Variants in NRAP observed in about 807,000 individuals in gnomAD.
NRAP encodes nebulin-related-anchoring protein.
In NRAP, 189 loss-of-function variants were observed where a neutral mutation model predicts 225.9. The ratio of observed to expected loss-of-function variants is 0.84; its 90% confidence interval spans 0.74 to 0.94. The LOEUF is 0.94. Among genes scored for constraint, NRAP ranks in the 40% least tolerant of loss-of-function variants. The pLI, the probability that NRAP is intolerant of heterozygous loss-of-function variation, is 0.00. For missense variants in NRAP, 2,176 were observed against 2,168.7 expected, an observed-to-expected ratio of 1.00 and a Z score of -0.07; for synonymous variants, 769 against 790.7, an observed-to-expected ratio of 0.97 and a Z score of 0.46.
At chr10:113,594,669 G>C (rs1846184427) in intron 38 of NRAP, among the ~76,000 whole-genome samples, 1 of 152,208 alleles carries the variant, frequency 6.6e-6, no homozygotes, top group Admixed American at 6.5e-5. Context: ...GCATCAAATG[G>C]TCATAATAAC....
intron 14 of NRAP, among the ~76,000 whole-genome samples, chr10:113,637,264 C>A (rs566464977): frequency 6.6e-6 from 1 of 152,170 alleles, no homozygotes; most frequent in Non-Finnish European, 1.5e-5. Flanking sequence ...TGGTTAGGCA[C>A]TATTATTATC....
At chr10:113,593,444 T>C (rs1187884239) in intron 38 of NRAP, among the ~76,000 whole-genome samples, 2 of 152,204 alleles carry the variant, frequency 1.3e-5, no homozygotes, top group Non-Finnish European at 2.9e-5. Flanking sequence ...TTCTCTGTAC[T>C]GCAGATCACA....
At chr10:113,619,910 T>A (rs1439133538) in intron 25 of NRAP, among the ~76,000 whole-genome samples, 1 of 152,158 alleles carries the variant, frequency 6.6e-6, no homozygotes, top group Non-Finnish European at 1.5e-5. Context: ...TCGATCCATT[T>A]TTGGTTGTCA....
chr10:113,621,998 G>T lies in NRAP; in HGVS notation c.2640C>A (p.Leu880=). 6.2e-7 allele frequency: 1 copy of T among 1,614,208 alleles called. No individual in the cohort carries two copies. Among genetic ancestry groups the T allele is most frequent in the Non-Finnish European group, 8.5e-7 (1 of 1,180,026 alleles). ...AATGCTGAGCTTTGCGGGCATGCAC[G>T]AGGTGGACCATGTCCAGGGAGACGT... ...QCHVSLDMVH[L]VHARKAQHLA... Residue 880 remains leucine, a synonymous_variant, in exon 24 of 42, where the codon CTC becomes CTA. Coordinates refer to ENST00000359988, the MANE Select transcript of NRAP (RefSeq NM_198060.4).
At position 113,628,954 on chromosome 10, in the gene NRAP, A is replaced by T; in HGVS notation, c.2108T>A (p.Leu703Ter). The change falls in exon 20 of 42, where the codon TTG becomes TAG. Residue 703 changes from leucine to a stop codon, truncating the protein, a stop_gained. Coordinates refer to ENST00000359988, the MANE Select transcript of NRAP (RefSeq NM_198060.4). LOFTEE classifies it high-confidence loss of function. ...VGWLTEGSLN[L>*]EQAKKAGQLV... ...CTGTCCAGCCTTCTTGGCTTGTTCC[A>T]AGTTGAGACTCCCCTCTGTCAGCCA... is the stretch of plus-strand genomic sequence containing the variant. 1 of 1,612,698 alleles carries T rather than the reference A, an allele frequency of 6.2e-7. No individual in the cohort carries two copies. Among genetic ancestry groups the T allele is most frequent in the Non-Finnish European group, 8.5e-7 (1 of 1,179,374 alleles).
intron 4 of NRAP, among the ~76,000 whole-genome samples, chr10:113,654,849 C>A (rs1232326866): frequency 6.6e-6 from 1 of 152,186 alleles, no homozygotes; most frequent in African/African-American, 2.4e-5. Flanking sequence ...AAGCTTGGAA[C>A]AGTGTGTAGC....
At position 113,592,408 on chromosome 10, in the gene NRAP, C is replaced by T. The variant is rs11196390; in HGVS notation, c.4537-107G>A. 71,304 of 666,822 alleles carry T rather than the reference C, an allele frequency of 0.11. 4,054 individuals carry two copies. The highest frequency in any genetic ancestry group is 0.11 in the Non-Finnish European group (43,630 of 386,846). 41.3% of individuals were successfully genotyped at this position (666,822 alleles called of 1,614,324 possible). ...TCTTAACCTTTGTTGGTTCCTAGGA[C>T]GGCACAGCCTATAGCTCCATGTCCA... On this transcript the variant is annotated intron_variant, in intron 38 of 41. Coordinates refer to ENST00000359988, the MANE Select transcript of NRAP (RefSeq NM_198060.4).
chr10:113,645,943 T>TTA lies in NRAP; in HGVS notation c.994-3_994-2insTA. 7 of 1,444,636 alleles carry TTA rather than the reference T, an allele frequency of 4.8e-6. No homozygotes were observed. The highest frequency in any genetic ancestry group is 3.7e-6 in the Non-Finnish European group (4 of 1,072,204). 89.5% of individuals were successfully genotyped at this position (1,444,636 alleles called of 1,614,324 possible). On this transcript the variant is annotated splice_polypyrimidine_tract_variant and splice_region_variant and intron_variant, in intron 10 of 41. Transcript: ENST00000359988. ...ATTGAAGTCCTGCCTGTATTTTATC[T>TTA]GAAAAAAAAAACACAAAACGGGGCT...
intron 23 of NRAP, among the ~76,000 whole-genome samples, chr10:113,623,038 C>T (rs915122009): frequency 2.6e-5 from 4 of 152,204 alleles, no homozygotes; most frequent in African/African-American, 9.7e-5. Context: ...TCATGTACGT[C>T]AGTTCATTCC....
At position 113,614,961 on chromosome 10, in the gene NRAP, T is replaced by C. The variant is rs750744263; in HGVS notation, c.3079-15A>G. ...TTATAACGCGTCTGTCGGGAAGATG[T>C]GCACAAGGAAAGACCTTTAAGTGAC... On this transcript the variant is annotated splice_polypyrimidine_tract_variant and intron_variant, in intron 27 of 41. Transcript: ENST00000359988. 36 of 1,482,458 alleles carry C rather than the reference T, an allele frequency of 2.4e-5. No individual in the cohort carries two copies. The South Asian group carries it at 3.9e-4, about 16-fold the overall frequency. The allele number at this position is 1,482,458 out of a possible 1,614,324, so 91.8% of individuals were successfully genotyped here. A position where few individuals can be genotyped will look rare whatever the true frequency, so the allele number is the denominator to read the frequency against.
At position 113,590,635 on chromosome 10, in the gene NRAP, G is replaced by A. The variant is rs762450341; in HGVS notation, c.4899C>T (p.Cys1633=). The stretch of plus-strand genomic sequence containing the variant: ...GCCTGAGGCCCAGCTGCTCCGGGTC[G>A]CAGGTGGGCTGGGGCAGGGGCTGCC... ...HYRQPLPQPT[C]DPEQLGLRHA... The change falls in exon 40 of 42, where the codon TGC becomes TGT. Residue 1633 remains cysteine (C), a synonymous_variant. Transcript: ENST00000359988. 7.0e-5 allele frequency: 113 copies of A among 1,613,862 alleles called. No homozygotes were observed. Among genetic ancestry groups the A allele is most frequent in the Non-Finnish European group, 9.0e-5 (106 of 1,180,016 alleles).
At chr10:113,618,238 T>C (rs771637873) in intron 25 of NRAP, among the ~76,000 whole-genome samples, 2 of 152,240 alleles carry the variant, frequency 1.3e-5, no homozygotes, top group Non-Finnish European at 2.9e-5. Context: ...TAATTTCTTT[T>C]TTAAAAATCA....
In NRAP at chr10:113,608,523, A is replaced by C; in HGVS notation, c.3604-11T>G. 6.4e-7 allele frequency: 1 copy of C among 1,571,652 alleles called. No homozygotes were observed. On this transcript the variant is annotated splice_polypyrimidine_tract_variant and intron_variant, in intron 31 of 41. Coordinates refer to ENST00000359988, the MANE Select transcript of NRAP (RefSeq NM_198060.4). The stretch of plus-strand genomic sequence containing the variant: ...CTGCCGATATTTACTCTGAATTCAC[A>C]CACAAGAAGGGAAGAAGACGACTCC...
At chr10:113,639,789 G>GA (rs981964682) in intron 14 of NRAP, among the ~76,000 whole-genome samples, 5 of 152,256 alleles carry the variant, frequency 3.3e-5, no homozygotes, top group African/African-American at 9.6e-5. Flanking sequence ...GTGCTCCTGA[G>GA]AAAAAATGGA....
chr10:113,605,694 C>T lies in NRAP; in HGVS notation c.3915+68G>A, dbSNP rs150909495. On this transcript the variant is annotated intron_variant, in intron 34 of 41. Transcript: ENST00000359988. ...TTTGCTTTAATTCAGGAAAATCAGCCGTAGACATTGTTTTACATGAAGTTA... is the reference window on the plus strand; with the variant it reads ...TTTGCTTTAATTCAGGAAAATCAGCTGTAGACATTGTTTTACATGAAGTTA... 381 of 1,039,716 alleles carry T rather than the reference C, an allele frequency of 3.7e-4. No individual in the cohort carries two copies. The African/African-American group carries it at 4.3e-3, about 12-fold the overall frequency. 64.4% of individuals were successfully genotyped at this position (1,039,716 alleles called of 1,614,324 possible).
intron 16 of NRAP, 61 bp from the exon 17 acceptor site, chr10:113,632,025 G>T: frequency 5.5e-6 from 6 of 1,095,654 alleles, no homozygotes; most frequent in Non-Finnish European, 8.4e-6. Flanking sequence ...AAACGTCAAA[G>T]ATTTTTTCAA....
chr10:113,595,896 A>G (rs1342141024), intron 37 of NRAP, among the ~76,000 whole-genome samples, 169 bp from the exon 38 acceptor site: 1 of 152,208 alleles, frequency 6.6e-6, no homozygotes, highest in Non-Finnish European at 1.5e-5. Context: ...ATTTGATGGA[A>G]GATGCCTTTA....
chr10:113,605,944 A>G (rs1335768309), intron 33 of NRAP, 75 bp from the exon 34 acceptor site: 5 of 1,074,958 alleles, frequency 4.7e-6, no homozygotes, highest in Non-Finnish European at 7.2e-6. Flanking sequence ...CCTTTCATTT[A>G]TAGCACAGTG....
chr10:113,615,008 G>T, intron 27 of NRAP, 62 bp from the exon 28 acceptor site: 1 of 1,036,388 alleles, frequency 9.6e-7, no homozygotes, highest in Non-Finnish European at 1.5e-6. Context: ...CTAAACTCTG[G>T]CTTACCAAAT....
Sources: allele counts gnomAD v4.1 joint callset (sites outside exome capture counted in the v4.1 genomes callset), GRCh38; gene constraint gnomAD v4.1.1; transcripts MANE v1.5; gene names NCBI Gene and HGNC (gene_info 2026-07-23, HGNC 2026-07-21).